The following PAM variants were observed in gnomAD, a reference collection of about 807,000 sequenced individuals.
PAM encodes the protein peptidylglycine alpha-amidating monooxygenase.
In PAM, 72 loss-of-function variants were observed where a neutral mutation model predicts 122.1. The observed-to-expected ratio is 0.59, with a 90% CI of 0.49 to 0.72. The LOEUF (loss-of-function observed/expected upper bound fraction) is 0.72, where lower values mean the gene tolerates loss of function less well. PAM is among the 30% of genes least tolerant of loss of function. The probability of loss-of-function intolerance (pLI) is 0.00; values close to 1 mark genes in which losing one functional copy is unlikely to be tolerated. For missense variants in PAM, 1,106 were observed against 1,183.7 expected, an observed-to-expected ratio of 0.93 and a Z score of 0.96; for synonymous variants, 389 against 404.4, an observed-to-expected ratio of 0.96 and a Z score of 0.46.
intron 7 of PAM, among the ~76,000 whole-genome samples, chr5:102,944,233 T>C (rs1756228472): frequency 1.3e-5 from 2 of 152,094 alleles, no homozygotes; most frequent in Admixed American, 6.6e-5. Flanking sequence ...TCTCCATATC[T>C]TGAAAACCCT....
chr5:102,763,426 C>T (rs1022051088), intron 1 of PAM, among the ~76,000 whole-genome samples: 1 of 152,064 alleles, frequency 6.6e-6, no homozygotes, highest in African/African-American at 2.4e-5. Context: ...CAAAAAATTC[C>T]TGGTCTGCAT....
chr5:103,007,931 A>G (rs777627632), intron 20 of PAM, among the ~76,000 whole-genome samples: 44 of 152,234 alleles, frequency 2.9e-4, no homozygotes, highest in Non-Finnish European at 5.7e-4. Flanking sequence ...CTTAATTATG[A>G]TCATCTGCTC....
chr5:102,925,645 G>C (rs1438916496), intron 6 of PAM, among the ~76,000 whole-genome samples: 1 of 152,072 alleles, frequency 6.6e-6, no homozygotes, highest in Non-Finnish European at 1.5e-5. Context: ...ATCATTAAAT[G>C]ATGTCTGATT....
intron 1 of PAM, among the ~76,000 whole-genome samples, chr5:102,845,833 T>A (rs1779814725): frequency 6.6e-6 from 1 of 152,158 alleles, no homozygotes; most frequent in Admixed American, 6.5e-5. Flanking sequence ...TGATGGGAAA[T>A]TAATAAATGA....
At chr5:102,948,857 T>C (rs1160144684) in intron 9 of PAM, among the ~76,000 whole-genome samples, 1 of 152,132 alleles carries the variant, frequency 6.6e-6, no homozygotes, top group Non-Finnish European at 1.5e-5. Context: ...TGGATATAGT[T>C]GGCTTACTTC....
At chr5:102,910,444 T>C (rs1446540410) in intron 4 of PAM, among the ~76,000 whole-genome samples, 2 of 151,946 alleles carry the variant, frequency 1.3e-5, no homozygotes, top group Non-Finnish European at 2.9e-5. Flanking sequence ...GAGTCACTTT[T>C]TTGGAGTCTT....
intron 1 of PAM, among the ~76,000 whole-genome samples, chr5:102,848,484 C>T (rs552853687): frequency 4.6e-5 from 7 of 152,272 alleles, no homozygotes; most frequent in East Asian, 3.9e-4. Flanking sequence ...GACTTATGAG[C>T]GTCCCACAAA....
intron 15 of PAM, among the ~76,000 whole-genome samples, chr5:102,983,575 G>A (rs1770686389): frequency 6.6e-6 from 1 of 151,832 alleles, no homozygotes; most frequent in South Asian, 2.1e-4. Flanking sequence ...GTTCTATATT[G>A]TTCTAGAAAG....
At chr5:102,837,242 A>G (rs1305753694) in intron 1 of PAM, among the ~76,000 whole-genome samples, 1 of 152,136 alleles carries the variant, frequency 6.6e-6, no homozygotes, top group Non-Finnish European at 1.5e-5. Flanking sequence ...CTGCTTCATC[A>G]TCTTCGTACC....
intron 7 of PAM, among the ~76,000 whole-genome samples, chr5:102,945,024 TAAAAA>T (rs1009848845): frequency 3.4e-4 from 51 of 152,160 alleles, no homozygotes; most frequent in African/African-American, 1.1e-3. Context: ...ATACATTTCT[TAAAAA>T]TAAAATATTC....
At chr5:102,911,347 T>G (rs1277738810) in intron 4 of PAM, among the ~76,000 whole-genome samples, 1 of 151,944 alleles carries the variant, frequency 6.6e-6, no homozygotes, top group Non-Finnish European at 1.5e-5. Context: ...TCTGTTTTTG[T>G]GAAAGGAAAC....
intron 14 of PAM, among the ~76,000 whole-genome samples, chr5:102,973,386 C>T (rs1048334259): frequency 2.6e-5 from 4 of 152,164 alleles, no homozygotes; most frequent in African/African-American, 9.7e-5. Context: ...ATTGGAGTCT[C>T]ATACCCAAGT....
chr5:103,002,885 A>G (rs1435956768), intron 16 of PAM, 148 bp from the exon 17 acceptor site: 1 of 621,900 alleles, frequency 1.6e-6, no homozygotes, highest in Non-Finnish European at 2.9e-6. Context: ...GGTATATTAT[A>G]ATCCAAATGA....
chr5:102,782,723 C>CTGTG (rs1213041689), intron 1 of PAM, among the ~76,000 whole-genome samples: 16 of 143,704 alleles, frequency 1.1e-4, no homozygotes, highest in African/African-American at 3.8e-4. Context: ...CTCTCTCTCT[C>CTGTG]TCTGTGTGTG....
intron 21 of PAM, 68 bp from the exon 22 acceptor site, chr5:103,017,266 T>A: frequency 1.0e-6 from 1 of 999,622 alleles, no homozygotes; most frequent in Non-Finnish European, 1.6e-6. Flanking sequence ...TGCTTTGTTT[T>A]TCTGTCTTTT....
intron 19 of PAM, among the ~76,000 whole-genome samples, chr5:103,007,249 CCAAA>C (rs1386406258): frequency 6.7e-6 from 1 of 149,330 alleles, no homozygotes; most frequent in Non-Finnish European, 1.5e-5. Flanking sequence ...AATGTATCCA[CCAAA>C]CAACTATCCA....
chr5:102,801,083 T>G (rs1253785577), intron 1 of PAM, among the ~76,000 whole-genome samples: 1 of 152,166 alleles, frequency 6.6e-6, no homozygotes, highest in African/African-American at 2.4e-5. Context: ...TGAGTTTGCA[T>G]TAATAACATT....
intron 1 of PAM, among the ~76,000 whole-genome samples, chr5:102,778,342 A>C (rs954034776): frequency 6.6e-6 from 1 of 152,198 alleles, no homozygotes. Flanking sequence ...TTACTTTAAA[A>C]TTGCCCAGAG....
intron 15 of PAM, chr5:102,974,970 G>A (rs1411719026): frequency 6.6e-6 from 1 of 152,124 alleles, no homozygotes; most frequent in Non-Finnish European, 1.5e-5. Flanking sequence ...AATCTTAATT[G>A]GAAAGTTGAG....
Sources: allele counts gnomAD v4.1 joint callset (sites outside exome capture counted in the v4.1 genomes callset), GRCh38; gene constraint gnomAD v4.1.1; transcripts MANE v1.5; gene names NCBI Gene and HGNC (gene_info 2026-07-23, HGNC 2026-07-21).